Variants in DNAJA3 observed in about 807,000 individuals in gnomAD.
DNAJA3 encodes the protein DnaJ heat shock protein family (Hsp40) member A3, also known as dnaJ homolog subfamily A member 3, mitochondrial.
Under a neutral mutation model 54.9 loss-of-function variants are expected in DNAJA3, and 29 were observed. That is an observed-to-expected ratio of 0.53 (90% CI 0.39 to 0.72). The LOEUF is 0.72. Among genes scored for constraint, DNAJA3 ranks in the 30% least tolerant of loss-of-function variants. The pLI, the probability that DNAJA3 is intolerant of heterozygous loss-of-function variation, is 0.00. For missense variants in DNAJA3, 708 were observed against 639.4 expected (o/e 1.11, Z -1.16); for synonymous variants, 302 against 251.4 (o/e 1.20, Z -1.90).
At position 4,444,721 on chromosome 16, in the gene DNAJA3, C is replaced by G; in HGVS notation, c.989C>G (p.Thr330Arg). The G allele has an allele frequency of 6.2e-7, 1 of 1,614,044 alleles. No individual in the cohort carries two copies. The highest frequency in any genetic ancestry group is 1.1e-5 in the South Asian group (1 of 91,066). The change falls in exon 7 of 12, where the codon ACG becomes AGG. Residue 330 changes from threonine to arginine, a missense_variant. By Grantham distance (71) the Thr-to-Arg change is moderately conservative (BLOSUM62 -1). Coordinates refer to ENST00000262375, the MANE Select transcript of DNAJA3 (RefSeq NM_005147.6). Reference sequence around the variant, plus strand: ...GTGGGAAAAAGGGAAATTTTCATTACGTTCAGGGTAGGTGCCCTGCCCCGC... The same window carrying G: ...GTGGGAAAAAGGGAAATTTTCATTAGGTTCAGGGTAGGTGCCCTGCCCCGC... ...MPVGKREIFI[T>R]FRVQKSPVFR...
intron 3 of DNAJA3, chr16:4,440,859 C>T (rs1355298349): frequency 6.3e-6 from 1 of 158,258 alleles, no homozygotes; most frequent in East Asian, 1.9e-4. Context: ...GTAGACCCAG[C>T]TACTGTGGAG....
At position 4,448,837 on chromosome 16, in the gene DNAJA3, A is replaced by T. The variant is rs2056939820; in HGVS notation, c.1230A>T (p.Ile410=). The T allele has an allele frequency of 6.2e-7, 1 of 1,613,626 alleles. No homozygotes were observed. Among genetic ancestry groups the T allele is most frequent in the Non-Finnish European group, 8.5e-7 (1 of 1,179,718 alleles). ...GAGACCACTACATCCACATCAAGATACGAGTTCCAAAGTAAGTGCCCCCTA... is the reference window on the plus strand; with the variant it reads ...GAGACCACTACATCCACATCAAGATTCGAGTTCCAAAGTAAGTGCCCCCTA... ...GYGDHYIHIK[I]RVPKRLTSRQ... Residue 410 remains isoleucine (I), a synonymous_variant, in exon 9 of 12, where the codon ATA becomes ATT. Transcript: ENST00000262375.
chr16:4,450,357 T>C, intron 9 of DNAJA3, 43 bp from the exon 10 acceptor site: 1 of 1,526,856 alleles, frequency 6.5e-7, no homozygotes, highest in South Asian at 1.2e-5. Context: ...TTTCCAAAGC[T>C]TCCCGGCGGA....
At chr16:4,451,894 A>G (rs1056839623) in intron 10 of DNAJA3, among the ~76,000 whole-genome samples, 3 of 96,152 alleles carry the variant, frequency 3.1e-5, no homozygotes, top group Non-Finnish European at 8.1e-5. Flanking sequence ...CCCTGTCTCT[A>G]CTAAAAAAAA....
Position 4,447,012 on chromosome 16 carries a change from AC to A in DNAJA3, c.1124del (p.Thr375ArgfsTer42). The A allele has an allele frequency of 1.2e-6, 2 of 1,613,106 alleles. No individual in the cohort carries two copies. The highest frequency in any genetic ancestry group is 1.7e-6 in the Non-Finnish European group (2 of 1,179,686). On this transcript the variant is annotated frameshift_variant and splice_region_variant, in exon 8 of 12. Transcript: ENST00000262375. LOFTEE classifies it high-confidence loss of function. ...GGGCCTGTACGAGACGATCAACGTGACGGTAAGAGGGTGTGAGAACACCTTT... is the reference window on the plus strand; with the variant it reads ...GGGCCTGTACGAGACGATCAACGTGAGGTAAGAGGGTGTGAGAACACCTTT... ...AQGLYETINV[T>X]IPPGTQTDQK...
intron 9 of DNAJA3, chr16:4,450,072 G>A (rs961260236): frequency 1.4e-5 from 3 of 215,022 alleles, no homozygotes; most frequent in Non-Finnish European, 2.8e-5. Flanking sequence ...ACAGGCATGA[G>A]CCACTGCGCC....
At chr16:4,453,433 CT>C (rs1334470510) in intron 10 of DNAJA3, among the ~76,000 whole-genome samples, 132 of 142,602 alleles carry the variant, frequency 9.3e-4, no homozygotes, top group Admixed American at 1.1e-3. Context: ...CCTTGTTGTT[CT>C]TTTTTTTTTT....
intron 6 of DNAJA3, among the ~76,000 whole-genome samples, chr16:4,443,557 T>A (rs2056864441): frequency 6.6e-6 from 1 of 151,914 alleles, no homozygotes; most frequent in Non-Finnish European, 1.5e-5. Flanking sequence ...ATCCCACCCC[T>A]CACTCCATGT....
chr16:4,434,731 C>T (rs1567325076), intron 2 of DNAJA3, among the ~76,000 whole-genome samples: 1 of 151,938 alleles, frequency 6.6e-6, no homozygotes. Context: ...GAGTCCAAAC[C>T]AGAGATTTTA....
chr16:4,449,083 G>A (rs921373142), intron 9 of DNAJA3, among the ~76,000 whole-genome samples: 2 of 151,448 alleles, frequency 1.3e-5, no homozygotes, highest in Non-Finnish European at 2.9e-5. Flanking sequence ...TGCAACCTCC[G>A]CTTCCCAGGT....
intron 8 of DNAJA3, among the ~76,000 whole-genome samples, chr16:4,448,208 G>A (rs1025750704): frequency 6.6e-6 from 1 of 150,972 alleles, no homozygotes; most frequent in Non-Finnish European, 1.5e-5. Context: ...TTGTATTTTA[G>A]TAGCGATGGG....
intron 5 of DNAJA3, 66 bp from the exon 6 acceptor site, chr16:4,442,951 G>T: frequency 2.6e-6 from 4 of 1,552,126 alleles, no homozygotes; most frequent in South Asian, 2.4e-5. Context: ...TACGCACATT[G>T]TGGTCCCAGA....
At chr16:4,446,760 C>T in intron 7 of DNAJA3, 126 bp from the exon 8 acceptor site, 1 of 1,169,178 alleles carries the variant, frequency 8.6e-7, no homozygotes, top group Non-Finnish European at 1.2e-6. Context: ...TCCCTCAACA[C>T]TGCACTTTAT....
Position 4,455,530 on chromosome 16 carries a change from T to C in DNAJA3, c.*14-16T>C. 6.4e-7 allele frequency: 1 copy of C among 1,551,714 alleles called. No homozygotes were observed. Among genetic ancestry groups the C allele is most frequent in the Non-Finnish European group, 8.7e-7 (1 of 1,146,934 alleles). ...AAATGTTGAGTATAAGGTAACAGCC[T>C]ATCTCTTTGGCTCAGGAAAAAGATC... On this transcript the variant is annotated splice_polypyrimidine_tract_variant and intron_variant, in intron 11 of 11. Transcript: ENST00000262375.
intron 1 of DNAJA3, 26 bp downstream of exon 1, chr16:4,426,118 T>G: frequency 1.3e-6 from 2 of 1,535,156 alleles, no homozygotes; most frequent in East Asian, 2.5e-5. Flanking sequence ...AACTTCCGAG[T>G]GGCGGTTTCA....
At chr16:4,433,995 T>G in intron 1 of DNAJA3, 1 of 232,834 alleles carries the variant, frequency 4.3e-6, no homozygotes, top group East Asian at 1.4e-4. Context: ...AGGAAAGAGG[T>G]TTATTTAACT....
At chr16:4,432,661 A>G (rs576286318) in intron 1 of DNAJA3, among the ~76,000 whole-genome samples, 38 of 152,114 alleles carry the variant, frequency 2.5e-4, no homozygotes, top group Non-Finnish European at 2.9e-5. Flanking sequence ...CACTTTTTAA[A>G]CAGATTTCAT....
At chr16:4,447,060 T>C (rs746949528) in intron 8 of DNAJA3, 46 bp downstream of exon 8, 3 of 1,586,786 alleles carry the variant, frequency 1.9e-6, no homozygotes, top group Non-Finnish European at 2.6e-6. Context: ...ACTTTATTGC[T>C]CTTTTTCTGA....
rs763869151 is a variant in DNAJA3, at chr16:4,441,502, T to C, written c.557T>C (p.Phe186Ser). ...GGPTVDPEEL[F>S]RKIFGEFSSS... ...CCCACTGTGGACCCCGAGGAGCTGTTCAGGAAGATCTTTGGCGAGTTCTCA... is the reference window on the plus strand; with the variant it reads ...CCCACTGTGGACCCCGAGGAGCTGTCCAGGAAGATCTTTGGCGAGTTCTCA... Residue 186 changes from phenylalanine to serine, a missense_variant, in exon 4 of 12, where the codon TTC becomes TCC. By Grantham distance (155) the Phe-to-Ser change is radical. Coordinates refer to ENST00000262375, the MANE Select transcript of DNAJA3 (RefSeq NM_005147.6). 50 of 1,614,122 alleles carry C rather than the reference T, an allele frequency of 3.1e-5. No individual in the cohort carries two copies. Among genetic ancestry groups the C allele is most frequent in the Non-Finnish European group, 4.2e-6 (5 of 1,180,052 alleles).
Sources: allele counts gnomAD v4.1 joint callset (sites outside exome capture counted in the v4.1 genomes callset), GRCh38; gene constraint gnomAD v4.1.1; transcripts MANE v1.5; gene names NCBI Gene and HGNC (gene_info 2026-07-23, HGNC 2026-07-21).